The following MYEF2 variants were observed in gnomAD, a reference collection of about 807,000 sequenced individuals.
MYEF2 encodes the protein myelin expression factor 2.
In MYEF2, 37 loss-of-function variants were observed where a neutral mutation model predicts 75.2. The ratio of observed to expected loss-of-function variants is 0.49; its 90% CI spans 0.38 to 0.65. MYEF2 has a LOEUF of 0.65. Among genes scored for constraint, MYEF2 ranks in the 30% least tolerant of loss-of-function variants. The probability of loss-of-function intolerance (pLI) is 0.00; values close to 1 mark genes in which losing one functional copy is unlikely to be tolerated. For missense variants in MYEF2, 634 were observed against 771.4 expected (o/e 0.82, Z 2.11); for synonymous variants, 195 against 241.6 (o/e 0.81, Z 1.79).
In MYEF2 at chr15:48,142,660, T is replaced by C; in HGVS notation, c.*248A>G. The C allele has an allele frequency of 4.4e-6, 2 of 456,810 alleles. No homozygotes were observed. The highest frequency in any genetic ancestry group is 7.6e-6 in the Non-Finnish European group (2 of 263,932). The allele number at this position is 456,810 out of a possible 1,614,324, so 28.3% of individuals were successfully genotyped here. On this transcript the variant is annotated 3_prime_UTR_variant, in exon 17 of 17. Transcript: ENST00000324324. The stretch of plus-strand genomic sequence containing the variant: ...GTACTGAAAACAACAAGAAAATGGC[T>C]TATTTCATTAAAAACAGTATAACCA...
chr15:48,166,014 G>A lies in MYEF2; in HGVS notation c.444C>T (p.Phe148=). The change falls in exon 5 of 17, where the codon TTC becomes TTT. Residue 148 remains phenylalanine, a synonymous_variant. Transcript: ENST00000324324. ...CTTTCTTTACAAATTCTTCATCTTT[G>A]AATTCAACCACACTTAATAGGGAAA... ...GKSRGCGVVE[F]KDEEFVKKAL... is the part of the protein sequence containing the mutation. The A allele has an allele frequency of 6.3e-7, 1 of 1,594,422 alleles. No homozygotes were observed. Among genetic ancestry groups the A allele is most frequent in the Non-Finnish European group, 8.5e-7 (1 of 1,169,770 alleles).
intron 5 of MYEF2, among the ~76,000 whole-genome samples, chr15:48,161,900 T>C (rs2039955481): frequency 6.8e-6 from 1 of 147,618 alleles, no homozygotes; most frequent in Non-Finnish European, 1.5e-5. Flanking sequence ...TGCACCAACC[T>C]AATTTAATCC....
Position 48,142,857 on chromosome 15 carries a change from C to T in MYEF2, c.*51G>A, listed in dbSNP as rs2039135154. The T allele has an allele frequency of 1.3e-6, 2 of 1,503,848 alleles. No homozygotes were observed. The highest frequency in any genetic ancestry group is 2.4e-5 in the Admixed American group (1 of 42,244). 93.2% of individuals were successfully genotyped at this position (1,503,848 alleles called of 1,614,324 possible). A position where few individuals can be genotyped will look rare whatever the true frequency, so the allele number is the denominator to read the frequency against. Reference sequence around the variant, plus strand: ...TATTACTTTAAAAAAATGACTTTTACTAGGAGATTCAGCAAAACAGATGTA... The same window carrying T: ...TATTACTTTAAAAAAATGACTTTTATTAGGAGATTCAGCAAAACAGATGTA... On this transcript the variant is annotated 3_prime_UTR_variant, in exon 17 of 17. Coordinates refer to ENST00000324324, the MANE Select transcript of MYEF2 (RefSeq NM_016132.5).
chr15:48,136,736 G>GT lies in MYEF2; in HGVS notation c.*6171dup. 6.2e-7 allele frequency: 1 copy of GT among 1,613,526 alleles called. No homozygotes were observed. Among genetic ancestry groups the GT allele is most frequent in the South Asian group, 1.1e-5 (1 of 91,024 alleles). On this transcript the variant is annotated 3_prime_UTR_variant, in exon 17 of 17. Transcript: ENST00000324324. Reference sequence around the variant, plus strand: ...TATGGATTGTATGTTTTGGTGCTGTGTTTTGACATTAAAATTAACCAATAT... The same window carrying GT: ...TATGGATTGTATGTTTTGGTGCTGTGTTTTTGACATTAAAATTAACCAATAT...
At chr15:48,172,776 A>G (rs541206000) in intron 1 of MYEF2, among the ~76,000 whole-genome samples, 1 of 152,160 alleles carries the variant, frequency 6.6e-6, no homozygotes, top group Non-Finnish European at 1.5e-5. Context: ...AGAAGAAATT[A>G]ATAAATTCCT....
chr15:48,157,644 A>T, intron 9 of MYEF2: 1 of 586,400 alleles, frequency 1.7e-6, no homozygotes, highest in Non-Finnish European at 2.2e-6. Context: ...CTATGTAAAA[A>T]ATATACATAG....
chr15:48,144,508 G>A (rs926673346), intron 16 of MYEF2, among the ~76,000 whole-genome samples: 1 of 151,840 alleles, frequency 6.6e-6, no homozygotes, highest in Non-Finnish European at 1.5e-5. Flanking sequence ...AATGTGTTCT[G>A]AAAAGTTATA....
chr15:48,155,542 T>C (rs2039661483), intron 9 of MYEF2, among the ~76,000 whole-genome samples: 1 of 152,232 alleles, frequency 6.6e-6, no homozygotes, highest in South Asian at 2.1e-4. Flanking sequence ...TGAACACATA[T>C]AGATCACTGC....
chr15:48,165,110 A>C (rs574489744), intron 5 of MYEF2, among the ~76,000 whole-genome samples: 2 of 152,266 alleles, frequency 1.3e-5, no homozygotes, highest in African/African-American at 4.8e-5. Flanking sequence ...TTAGTATACT[A>C]TTAAATGCCA....
Position 48,140,323 on chromosome 15 carries a change from T to C in MYEF2, c.*2585A>G, listed in dbSNP as rs1490095459. 3 of 151,816 alleles carry C rather than the reference T, an allele frequency of 2.0e-5. No homozygotes were observed. Among genetic ancestry groups the C allele is most frequent in the Non-Finnish European group, 4.4e-5 (3 of 67,956 alleles). 9.4% of individuals were successfully genotyped at this position (151,816 alleles called of 1,614,324 possible). On this transcript the variant is annotated 3_prime_UTR_variant, in exon 17 of 17. Coordinates refer to ENST00000324324, the MANE Select transcript of MYEF2 (RefSeq NM_016132.5). ...CAATTCCAATTCCAATATCAATGTATAAGCATGCAATAAATAAGCTACTTT... is the reference window on the plus strand; with the variant it reads ...CAATTCCAATTCCAATATCAATGTACAAGCATGCAATAAATAAGCTACTTT...
chr15:48,149,626 T>A lies in MYEF2; in HGVS notation c.1379-255A>T. The A allele has an allele frequency of 3.6e-6, 1 of 281,148 alleles. No homozygotes were observed. The highest frequency in any genetic ancestry group is 8.1e-5 in the South Asian group (1 of 12,372). The allele number at this position is 281,148 out of a possible 1,614,324, so 17.4% of individuals were successfully genotyped here. A position where few individuals can be genotyped will look rare whatever the true frequency, so the allele number is the denominator to read the frequency against. The stretch of plus-strand genomic sequence containing the variant: ...TGAGAAATTCTAGCCACTGTATAAA[T>A]ACATTATGCATATATAACTGTATAA... On this transcript the variant is annotated intron_variant, in intron 14 of 16. Transcript: ENST00000324324. The surrounding 1 kb of genome is among the most constrained non-coding windows in gnomAD (Gnocchi z 4.0).
In MYEF2 at chr15:48,142,013, T is replaced by G. The variant is rs1285912870; in HGVS notation, c.*895A>C. 6.3e-7 allele frequency: 1 copy of G among 1,578,408 alleles called. No individual in the cohort carries two copies. Among genetic ancestry groups the G allele is most frequent in the African/African-American group, 1.4e-5 (1 of 73,802 alleles). The stretch of plus-strand genomic sequence containing the variant: ...TATTGGTAAGCACATTTTAACAGTA[T>G]GCTTTTCTTTTGTAGGGAAAGGAGA... On this transcript the variant is annotated 3_prime_UTR_variant, in exon 17 of 17. Coordinates refer to ENST00000324324, the MANE Select transcript of MYEF2 (RefSeq NM_016132.5).
intron 5 of MYEF2, among the ~76,000 whole-genome samples, chr15:48,164,485 C>G (rs2040064711): frequency 6.6e-6 from 1 of 152,126 alleles, no homozygotes; most frequent in African/African-American, 2.4e-5. Flanking sequence ...GAAATGACAA[C>G]AAAGGATTTA....
rs150789270 is a variant in MYEF2 at position 48,144,000 on chromosome 15, A to G, written c.1640-929T>C. Among the ~76,000 whole-genome samples, 465 of 152,196 alleles carry G rather than the reference A, an allele frequency of 3.1e-3. 6 individuals are homozygous for G. Among genetic ancestry groups the G allele is most frequent in the African/African-American group, 0.011 (442 of 41,580 alleles). ...CATGGTCACTCAATCCAAACAGGTC[A>G]TAAATTTAGGGTGTGACTACTTACC... On this transcript the variant is annotated intron_variant, in intron 16 of 16. Transcript: ENST00000324324.
In MYEF2 at chr15:48,137,043, T is replaced by C; in HGVS notation, c.*5865A>G. 1 of 1,432,802 alleles carries C rather than the reference T, an allele frequency of 7.0e-7. No homozygotes were observed. 88.8% of individuals were successfully genotyped at this position (1,432,802 alleles called of 1,614,324 possible). A position where few individuals can be genotyped will look rare whatever the true frequency, so the allele number is the denominator to read the frequency against. The stretch of plus-strand genomic sequence containing the variant: ...AATTTCATTTCAATTCAGCAAGTAT[T>C]GTGTGCTTTTTATGTAAAAAAGACT... On this transcript the variant is annotated 3_prime_UTR_variant, in exon 17 of 17. Transcript: ENST00000324324.
At chr15:48,175,799 ATT>A (rs1210041899) in intron 1 of MYEF2, among the ~76,000 whole-genome samples, 1 of 152,120 alleles carries the variant, frequency 6.6e-6, no homozygotes, top group African/African-American at 2.4e-5. Context: ...CCTCCTATTC[ATT>A]TTTAAGAAAA....
At chr15:48,159,121 A>C (rs569087509) in intron 6 of MYEF2, among the ~76,000 whole-genome samples, 199 bp from the exon 7 acceptor site, 1 of 151,956 alleles carries the variant, frequency 6.6e-6, no homozygotes, top group African/African-American at 2.4e-5. Flanking sequence ...CCTTATCCTT[A>C]TTTTTTTTAA....
intron 5 of MYEF2, among the ~76,000 whole-genome samples, chr15:48,164,746 A>C (rs1224000399): frequency 6.6e-6 from 1 of 152,128 alleles, no homozygotes; most frequent in Non-Finnish European, 1.5e-5. Context: ...CTGAGGCAAG[A>C]CTCTCCACCA....
chr15:48,175,044 C>T (rs2040469232), intron 1 of MYEF2, among the ~76,000 whole-genome samples: 1 of 152,066 alleles, frequency 6.6e-6, no homozygotes, highest in Non-Finnish European at 1.5e-5. Context: ...CTTAAGTGTC[C>T]ATTGACAGAT....
Sources: gnomAD v4.1 joint callset for allele counts (sites outside exome capture counted in the v4.1 genomes callset) on GRCh38, gnomAD v4.1.1 for gene constraint, Gnocchi (gnomAD v3.1) non-coding constraint, MANE v1.5 for transcripts, NCBI Gene and HGNC (gene_info 2026-07-23, HGNC 2026-07-21) for gene names.